The following ACER3 variants were observed in gnomAD, a reference collection of about 807,000 sequenced individuals.
The protein encoded by ACER3 is alkCDase 3.
In ACER3, 16 loss-of-function variants were observed where a neutral mutation model predicts 48.9. The ratio of observed to expected loss-of-function variants is 0.33; its 90% confidence interval spans 0.22 to 0.50. The LOEUF (loss-of-function observed/expected upper bound fraction) is 0.50, where lower values mean the gene tolerates loss of function less well. ACER3 is among the 20% of genes least tolerant of loss of function. ACER3 has a pLI of 0.98. For missense variants in ACER3, 227 were observed against 326.0 expected (o/e 0.70, Z 2.34); for synonymous variants, 109 against 107.8 (o/e 1.01, Z -0.07).
At chr11:76,879,371 T>C (rs1019206465) in intron 1 of ACER3, among the ~76,000 whole-genome samples, 2 of 152,210 alleles carry the variant, frequency 1.3e-5, no homozygotes, top group African/African-American at 4.8e-5. Flanking sequence ...CATTTAATCA[T>C]GTAATCTTCA....
intron 1 of ACER3, among the ~76,000 whole-genome samples, chr11:76,911,035 A>G (rs1474495111): frequency 1.3e-5 from 2 of 152,206 alleles, no homozygotes; most frequent in Admixed American, 6.5e-5. Flanking sequence ...AGTCTCTGCT[A>G]CTGTTACCCA....
At chr11:77,005,978 T>TATATATTATATATATATAC (rs1591060273) in intron 7 of ACER3, among the ~76,000 whole-genome samples, 3 of 44,848 alleles carry the variant, frequency 6.7e-5, no homozygotes, top group Non-Finnish European at 1.9e-4. Flanking sequence ...TATACATATA[T>TATATATTATATATATATAC]ATATATATAT....
At chr11:76,997,051 C>T (rs1363914966) in intron 6 of ACER3, among the ~76,000 whole-genome samples, 1 of 152,166 alleles carries the variant, frequency 6.6e-6, no homozygotes, top group East Asian at 1.9e-4. Context: ...TGAAGTCCAG[C>T]TCCTTAACAT....
At position 76,984,584 on chromosome 11, in the gene ACER3, T is replaced by C. The variant is rs560518588; in HGVS notation, c.321-1059T>C. Among the ~76,000 whole-genome samples the C allele has an allele frequency of 1.6e-4, 25 of 152,346 alleles. No individual in the cohort carries two copies. In the South Asian group the frequency reaches 5.0e-3, roughly 30 times the overall value. ...TTGGATACTCACTGATGGCCAATTG[T>C]CTGTTCATATTTGCTTATTTACCGG... On this transcript the variant is annotated intron_variant, in intron 4 of 10. Transcript: ENST00000532485.
At chr11:76,899,968 T>G (rs1014757508) in intron 1 of ACER3, among the ~76,000 whole-genome samples, 2 of 152,194 alleles carry the variant, frequency 1.3e-5, no homozygotes, top group Admixed American at 1.3e-4. Context: ...TTAACACATA[T>G]TTTGTGCATG....
intron 1 of ACER3, among the ~76,000 whole-genome samples, chr11:76,881,711 T>G (rs1945531623): frequency 6.6e-6 from 1 of 152,100 alleles, no homozygotes; most frequent in African/African-American, 2.4e-5. Context: ...AAGTTATAAA[T>G]AAGTTAAAAG....
At chr11:76,979,003 T>C (rs1224662654) in intron 4 of ACER3, among the ~76,000 whole-genome samples, 2 of 152,160 alleles carry the variant, frequency 1.3e-5, no homozygotes, top group African/African-American at 4.8e-5. Context: ...TTCTCACTGC[T>C]CCATTCCTGG....
intron 1 of ACER3, among the ~76,000 whole-genome samples, chr11:76,922,185 C>A (rs1026004824): frequency 3.3e-5 from 5 of 152,110 alleles, no homozygotes; most frequent in African/African-American, 1.2e-4. Context: ...TTGTGGTTTG[C>A]AATTCTTCAT....
intron 9 of ACER3, among the ~76,000 whole-genome samples, chr11:77,018,717 G>A (rs990928173): frequency 2.8e-4 from 42 of 152,234 alleles, no homozygotes; most frequent in South Asian, 6.2e-4. Flanking sequence ...TAAAAGATCA[G>A]ACCAACCACA....
At chr11:76,905,496 G>A (rs556407232) in intron 1 of ACER3, among the ~76,000 whole-genome samples, 39 of 152,228 alleles carry the variant, frequency 2.6e-4, no homozygotes, top group African/African-American at 8.9e-4. Context: ...GCCTTCTGTG[G>A]TAGCTCAAGA....
chr11:76,941,968 G>A (rs900470884), intron 2 of ACER3, among the ~76,000 whole-genome samples: 8 of 151,908 alleles, frequency 5.3e-5, no homozygotes, highest in African/African-American at 1.9e-4. Flanking sequence ...CCCTCCAATA[G>A]ATCATTGTTG....
chr11:76,926,453 C>T, intron 1 of ACER3, 104 bp from the exon 2 acceptor site: 1 of 586,108 alleles, frequency 1.7e-6, no homozygotes. Context: ...CAATGTCTTT[C>T]TGAGAAGTTA....
At position 76,933,585 on chromosome 11, in the gene ACER3, G is replaced by C. The variant is rs1017832708; in HGVS notation, c.214+6918G>C. ...GTGGACACAGCACATGTTTCAGAGA[G>C]CACAGGGTTGGGGGTAAGGTCATAG... On this transcript the variant is annotated intron_variant, in intron 2 of 10. Transcript: ENST00000532485. 3.0e-4 allele frequency among the ~76,000 whole-genome samples: 46 copies of C among 152,000 alleles called. 1 individual carries two copies. The highest frequency in any genetic ancestry group is 3.0e-3 in the Admixed American group (46 of 15,274).
intron 2 of ACER3, among the ~76,000 whole-genome samples, chr11:76,953,644 T>C (rs547191352): frequency 6.6e-6 from 1 of 152,258 alleles, no homozygotes; most frequent in South Asian, 2.1e-4. Context: ...TGTATATAGT[T>C]ACTTCTTTAC....
At chr11:76,941,585 T>A (rs1947344471) in intron 2 of ACER3, among the ~76,000 whole-genome samples, 1 of 152,136 alleles carries the variant, frequency 6.6e-6, no homozygotes, top group Non-Finnish European at 1.5e-5. Context: ...GGCAATATGA[T>A]GCCTCAGCCT....
At chr11:76,960,743 G>A (rs938672362) in intron 3 of ACER3, among the ~76,000 whole-genome samples, 1 of 152,130 alleles carries the variant, frequency 6.6e-6, no homozygotes, top group African/African-American at 2.4e-5. Context: ...CTAGGAGTGA[G>A]GAGGGTATTT....
chr11:76,902,630 A>G (rs1946109278), intron 1 of ACER3, among the ~76,000 whole-genome samples: 1 of 152,336 alleles, frequency 6.6e-6, no homozygotes, highest in South Asian at 2.1e-4. Context: ...TTCTAGCATC[A>G]CTAGTGACAC....
chr11:76,883,588 G>A (rs1268478950), intron 1 of ACER3, among the ~76,000 whole-genome samples: 5 of 151,974 alleles, frequency 3.3e-5, no homozygotes, highest in Non-Finnish European at 7.4e-5. Context: ...GGGATTACAG[G>A]TGTGTGCTAC....
chr11:76,871,833 G>A (rs535233252), intron 1 of ACER3, among the ~76,000 whole-genome samples: 26 of 152,188 alleles, frequency 1.7e-4, no homozygotes, highest in Middle Eastern at 6.8e-3. Context: ...ATATATTTTG[G>A]GTAAAGTACT....
Sources: gnomAD v4.1 joint callset for allele counts (sites outside exome capture counted in the v4.1 genomes callset) on GRCh38, gnomAD v4.1.1 for gene constraint, MANE v1.5 for transcripts, NCBI Gene and HGNC (gene_info 2026-07-23, HGNC 2026-07-21) for gene names.